The following ITPKB variants were observed in gnomAD, a reference collection of about 807,000 sequenced individuals.
ITPKB encodes the protein inositol-trisphosphate 3-kinase B.
Under a neutral mutation model 69.4 loss-of-function variants are expected in ITPKB, and 13 were observed. The observed-to-expected ratio is 0.19, with a 90% CI of 0.12 to 0.30. The LOEUF is 0.30. Ranked by LOEUF, ITPKB falls within the 10% of genes least tolerant of loss-of-function variation. The pLI, the probability that ITPKB is intolerant of heterozygous loss-of-function variation, is 1.00. For synonymous variants in ITPKB, 584 were observed against 513.7 expected (o/e 1.14, Z -1.85); for missense variants, 1,240 against 1,250.5 (o/e 0.99, Z 0.13).
chr1:226,661,859 C>A (rs943726729), intron 2 of ITPKB, among the ~76,000 whole-genome samples: 5 of 152,184 alleles, frequency 3.3e-5, no homozygotes, highest in Admixed American at 2.0e-4. Flanking sequence ...GCAGTAGGGT[C>A]TGACCACCTC....
At chr1:226,696,476 G>A (rs982959349) in intron 2 of ITPKB, among the ~76,000 whole-genome samples, 19 of 152,040 alleles carry the variant, frequency 1.2e-4, no homozygotes, top group African/African-American at 3.9e-4. Flanking sequence ...TTCCACTTCC[G>A]ACAAGGCCAA....
chr1:226,635,630 G>A (rs1668820587), intron 7 of ITPKB, among the ~76,000 whole-genome samples: 1 of 152,228 alleles, frequency 6.6e-6, no homozygotes, highest in Non-Finnish European at 1.5e-5. Flanking sequence ...CCACAGTGAA[G>A]GGGAAGGTGC....
In ITPKB at chr1:226,661,172, C is replaced by T. The variant is rs550610579; in HGVS notation, c.1933-12401G>A. Among the ~76,000 whole-genome samples the T allele has an allele frequency of 1.9e-4, 29 of 152,356 alleles. No individual in the cohort carries two copies. The South Asian group carries it at 5.8e-3, about 30-fold the overall frequency. ...CAACACACCTTCTTGGGAACAGCTT[C>T]CTGGTCTGGGGAGCTAGAGTTGCTT... On this transcript the variant is annotated intron_variant, in intron 2 of 7. Transcript: ENST00000429204.
intron 4 of ITPKB, among the ~76,000 whole-genome samples, chr1:226,644,809 G>A (rs548953213): frequency 6.6e-6 from 1 of 152,308 alleles, no homozygotes; most frequent in Admixed American, 6.5e-5. Context: ...TCATGGAAAG[G>A]CCACATTCTA....
rs972594608 is a variant in ITPKB, at chr1:226,706,793, C to T, written c.1932+28734G>A. Among the ~76,000 whole-genome samples, 4 of 152,248 alleles carry T rather than the reference C, an allele frequency of 2.6e-5. No individual in the cohort carries two copies. The East Asian group carries it at 7.7e-4, about 29-fold the overall frequency. On this transcript the variant is annotated intron_variant, in intron 2 of 7. Coordinates refer to ENST00000429204, the MANE Select transcript of ITPKB (RefSeq NM_002221.4). ...TACAAGGATTCCATGAAGTTTCCAG[C>T]CGCCAGTCTGTCTGGCTTTCTGGGC...
Position 226,631,841 on chromosome 1 carries a change from C to G in ITPKB, c.*2830G>C, listed in dbSNP as rs1402535899. 1 of 152,262 alleles carries G rather than the reference C, an allele frequency of 6.6e-6. No individual in the cohort carries two copies. The highest frequency in any genetic ancestry group is 6.6e-5 in the Admixed American group (1 of 15,264). The allele number at this position is 152,262 out of a possible 1,614,324, so 9.4% of individuals were successfully genotyped here. A position where few individuals can be genotyped will look rare whatever the true frequency, so the allele number is the denominator to read the frequency against. On this transcript the variant is annotated 3_prime_UTR_variant, in exon 8 of 8. Coordinates refer to ENST00000429204, the MANE Select transcript of ITPKB (RefSeq NM_002221.4). ...CGGCAGGCGGGGGGGGTCCTCTCCT[C>G]CAGAACAAAAGGCACTGACGAGGTG...
chr1:226,724,077 G>A (rs966605056), intron 2 of ITPKB, among the ~76,000 whole-genome samples: 12 of 152,206 alleles, frequency 7.9e-5, no homozygotes, highest in Admixed American at 1.3e-4. Flanking sequence ...CCCGGTACTT[G>A]AGCTGCATTA....
chr1:226,708,102 A>G (rs1369394147), intron 2 of ITPKB, among the ~76,000 whole-genome samples: 1 of 152,238 alleles, frequency 6.6e-6, no homozygotes, highest in Non-Finnish European at 1.5e-5. Flanking sequence ...TGACGTTAAA[A>G]CAATAAAAGA....
chr1:226,735,382 G>T, intron 2 of ITPKB, 145 bp downstream of exon 2: 1 of 890,630 alleles, frequency 1.1e-6, no homozygotes, highest in Non-Finnish European at 1.6e-6. Flanking sequence ...AACACACCTG[G>T]ACAGAATTAT....
At chr1:226,727,418 C>A (rs181294034) in intron 2 of ITPKB, among the ~76,000 whole-genome samples, 12 of 152,290 alleles carry the variant, frequency 7.9e-5, no homozygotes, top group Non-Finnish European at 1.8e-4. Context: ...TGCCCAGGTC[C>A]CACCAACTCA....
intron 2 of ITPKB, among the ~76,000 whole-genome samples, chr1:226,725,607 C>T (rs1657388315): frequency 6.6e-6 from 1 of 152,200 alleles, no homozygotes. Flanking sequence ...GTGCAGTCTC[C>T]CTATCATGAT....
At chr1:226,688,154 T>C (rs879431349) in intron 2 of ITPKB, among the ~76,000 whole-genome samples, 8 of 152,210 alleles carry the variant, frequency 5.3e-5, no homozygotes, top group Non-Finnish European at 1.0e-4. Flanking sequence ...GGTTCAGCAA[T>C]GATTAAGCCC....
chr1:226,715,493 T>C (rs1657073491), intron 2 of ITPKB, among the ~76,000 whole-genome samples: 1 of 152,248 alleles, frequency 6.6e-6, no homozygotes, highest in South Asian at 2.1e-4. Flanking sequence ...ACAACCATCC[T>C]GGAAGAATGT....
intron 2 of ITPKB, among the ~76,000 whole-genome samples, chr1:226,661,073 G>A (rs182994886): frequency 3.3e-4 from 50 of 152,332 alleles, no homozygotes; most frequent in African/African-American, 1.1e-3. Flanking sequence ...TGGAACCTCC[G>A]AGCACCCGCA....
chr1:226,654,586 T>C (rs899547830), intron 2 of ITPKB, among the ~76,000 whole-genome samples: 2 of 151,974 alleles, frequency 1.3e-5, no homozygotes, highest in Admixed American at 6.6e-5. Flanking sequence ...GGCAGGTGGG[T>C]GTGGAGCCTT....
chr1:226,712,241 C>T (rs1656979518), intron 2 of ITPKB, among the ~76,000 whole-genome samples: 1 of 152,208 alleles, frequency 6.6e-6, no homozygotes, highest in Non-Finnish European at 1.5e-5. Context: ...TCTCTGAGTC[C>T]TGCTGCTGCC....
In ITPKB at chr1:226,634,566, C is replaced by G. The variant is rs1668788521; in HGVS notation, c.*105G>C. On this transcript the variant is annotated 3_prime_UTR_variant, in exon 8 of 8. Transcript: ENST00000429204. This position sits in a 1 kb window ranked among gnomAD's most constrained non-coding sequence, Gnocchi z 6.3. Reference sequence around the variant, plus strand: ...CTACAAAGTGTCTTGTAGTGCAGTTCAGGAGGGTCAGTCAGGTGTAAGTGA... The same window carrying G: ...CTACAAAGTGTCTTGTAGTGCAGTTGAGGAGGGTCAGTCAGGTGTAAGTGA... 1 of 649,706 alleles carries G rather than the reference C, an allele frequency of 1.5e-6. No homozygotes were observed. The highest frequency in any genetic ancestry group is 2.9e-6 in the Non-Finnish European group (1 of 350,680). The allele number at this position is 649,706 out of a possible 1,614,324, so 40.2% of individuals were successfully genotyped here.
chr1:226,699,901 T>G (rs1003322433), intron 2 of ITPKB, among the ~76,000 whole-genome samples: 1 of 152,146 alleles, frequency 6.6e-6, no homozygotes, highest in Admixed American at 6.5e-5. Flanking sequence ...GTCTGCAAGC[T>G]GAGAAGCAAG....
At chr1:226,640,861 C>A (rs950231610) in intron 5 of ITPKB, among the ~76,000 whole-genome samples, 2 of 152,216 alleles carry the variant, frequency 1.3e-5, no homozygotes, top group Non-Finnish European at 2.9e-5. Context: ...CCACATGCCA[C>A]CGTGGGCAGC....
Sources: gnomAD v4.1 joint callset for allele counts (sites outside exome capture counted in the v4.1 genomes callset) on GRCh38, gnomAD v4.1.1 for gene constraint, Gnocchi (gnomAD v3.1) non-coding constraint, MANE v1.5 for transcripts, NCBI Gene and HGNC (gene_info 2026-07-23, HGNC 2026-07-21) for gene names.